Variants in NXPH1 observed in about 807,000 individuals in gnomAD.
The protein encoded by NXPH1 is neurexophilin 1, also known as neurexophilin-1.
NXPH1 carries 5 observed loss-of-function variants against 23.7 expected under a neutral mutation model. The observed-to-expected ratio is 0.21, with a 90% confidence interval of 0.11 to 0.44. The LOEUF is 0.44. Ranked by LOEUF, NXPH1 falls within the 20% of genes least tolerant of loss-of-function variation. The pLI is 0.99. For synonymous variants in NXPH1, 144 were observed against 122.2 expected (o/e 1.18, Z -1.18); for missense variants, 324 against 321.6 (o/e 1.01, Z -0.06).
chr7:8,552,785 C>T (rs1167977521), intron 2 of NXPH1, among the ~76,000 whole-genome samples: 1 of 151,512 alleles, frequency 6.6e-6, no homozygotes, highest in African/African-American at 2.4e-5. Context: ...ATTCGACTAC[C>T]CTTAATTAAA....
At chr7:8,665,398 A>G (rs1275052499) in intron 2 of NXPH1, among the ~76,000 whole-genome samples, 1 of 151,928 alleles carries the variant, frequency 6.6e-6, no homozygotes, top group Non-Finnish European at 1.5e-5. Flanking sequence ...TATATGCTAT[A>G]CCATGCTGTT....
chr7:8,727,898 G>A (rs1780083718), intron 2 of NXPH1, among the ~76,000 whole-genome samples: 1 of 151,678 alleles, frequency 6.6e-6, no homozygotes, highest in Admixed American at 6.6e-5. Flanking sequence ...GCTTGATGGG[G>A]ATGGCATTGA....
chr7:8,519,979 T>C (rs1214389423), intron 2 of NXPH1, among the ~76,000 whole-genome samples: 1 of 152,176 alleles, frequency 6.6e-6, no homozygotes, highest in Non-Finnish European at 1.5e-5. Context: ...GATAAATTTC[T>C]AGTGTTTTTC....
chr7:8,458,292 T>C (rs10952110), intron 2 of NXPH1, among the ~76,000 whole-genome samples: 3 of 151,922 alleles, frequency 2.0e-5, no homozygotes, highest in Non-Finnish European at 4.4e-5. Flanking sequence ...GGCAGTTCCA[T>C]AACCTCTTTC....
rs140962319 is a variant in NXPH1 at position 8,637,435 on chromosome 7, G to C, written c.55-113573G>C. Among the ~76,000 whole-genome samples the C allele has an allele frequency of 2.0e-5, 3 of 152,088 alleles. No homozygotes were observed. In the East Asian group the frequency reaches 5.8e-4, roughly 29 times the overall value. On this transcript the variant is annotated intron_variant, in intron 2 of 2. Transcript: ENST00000405863. ...AGATGGGGTTTCAGTATGTTGCCCAGGCTGGTCTTGAATTCCTGGGCTCAA... is the reference window on the plus strand; with the variant it reads ...AGATGGGGTTTCAGTATGTTGCCCACGCTGGTCTTGAATTCCTGGGCTCAA...
At chr7:8,656,812 C>T (rs989780904) in intron 2 of NXPH1, among the ~76,000 whole-genome samples, 2 of 151,722 alleles carry the variant, frequency 1.3e-5, no homozygotes, top group East Asian at 1.9e-4. Flanking sequence ...TTTGTTCTTG[C>T]GATATTTTAC....
intron 2 of NXPH1, among the ~76,000 whole-genome samples, chr7:8,592,946 C>G (rs1819131709): frequency 6.6e-6 from 1 of 151,784 alleles, no homozygotes; most frequent in Non-Finnish European, 1.5e-5. Flanking sequence ...TTTACCTACT[C>G]CCACCTGCTC....
chr7:8,739,001 G>A (rs147415677), intron 2 of NXPH1, among the ~76,000 whole-genome samples: 1 of 151,810 alleles, frequency 6.6e-6, no homozygotes, highest in Non-Finnish European at 1.5e-5. Flanking sequence ...ATCCCAGGTC[G>A]ACTTCAGACT....
chr7:8,603,925 T>C (rs549051014), intron 2 of NXPH1, among the ~76,000 whole-genome samples: 1 of 152,280 alleles, frequency 6.6e-6, no homozygotes, highest in African/African-American at 2.4e-5. Context: ...TTAATTCTGC[T>C]AAAAATATCA....
chr7:8,557,803 G>A (rs183659272), intron 2 of NXPH1, among the ~76,000 whole-genome samples: 12 of 151,788 alleles, frequency 7.9e-5, no homozygotes, highest in African/African-American at 2.9e-4. Context: ...TCAGGATTCA[G>A]TAGAATGCTG....
chr7:8,646,824 A>T (rs925607122), intron 2 of NXPH1, among the ~76,000 whole-genome samples: 4 of 151,416 alleles, frequency 2.6e-5, no homozygotes, highest in Admixed American at 1.3e-4. Context: ...AATAAGGTTT[A>T]CTTAATCAGA....
chr7:8,597,480 ATTAC>A (rs1444536447), intron 2 of NXPH1, among the ~76,000 whole-genome samples: 1 of 152,000 alleles, frequency 6.6e-6, no homozygotes, highest in African/African-American at 2.4e-5. Context: ...AGGTTGTACA[ATTAC>A]TTGATGAGTC....
chr7:8,568,826 T>C (rs1322352535), intron 2 of NXPH1, among the ~76,000 whole-genome samples: 1 of 151,840 alleles, frequency 6.6e-6, no homozygotes, highest in African/African-American at 2.4e-5. Context: ...TAGAGACTTT[T>C]ATCTGCCTCC....
intron 2 of NXPH1, among the ~76,000 whole-genome samples, chr7:8,744,033 T>C (rs1000503986): frequency 2.6e-5 from 4 of 152,096 alleles, no homozygotes; most frequent in African/African-American, 9.7e-5. Flanking sequence ...CCAATGGTGG[T>C]TTTTTCTCTC....
intron 2 of NXPH1, among the ~76,000 whole-genome samples, chr7:8,448,368 T>C (rs1044694164): frequency 6.6e-6 from 1 of 152,240 alleles, no homozygotes; most frequent in South Asian, 2.1e-4. Flanking sequence ...AGCACAGTCC[T>C]TATGAATATG....
intron 2 of NXPH1, among the ~76,000 whole-genome samples, chr7:8,446,664 A>G (rs1480410548): frequency 6.6e-6 from 1 of 152,178 alleles, no homozygotes; most frequent in Non-Finnish European, 1.5e-5. Flanking sequence ...TCTTCCTCCA[A>G]ACAGAAATTA....
intron 2 of NXPH1, among the ~76,000 whole-genome samples, chr7:8,731,663 G>T (rs1780156437): frequency 6.6e-6 from 1 of 152,140 alleles, no homozygotes. Flanking sequence ...GGGGGTCAGG[G>T]GTCAGGGAAC....
chr7:8,526,188 T>C (rs1377829336), intron 2 of NXPH1, among the ~76,000 whole-genome samples: 2 of 152,338 alleles, frequency 1.3e-5, no homozygotes, highest in Non-Finnish European at 2.9e-5. Context: ...AAGGATATCA[T>C]TTTGGAGCTT....
intron 2 of NXPH1, among the ~76,000 whole-genome samples, chr7:8,552,114 CAAAAAAAAA>C (rs34390317): frequency 9.7e-5 from 6 of 61,748 alleles, no homozygotes; most frequent in Non-Finnish European, 2.0e-4. Context: ...GAAAAAAAAC[CAAAAAAAAA>C]AAAAAAAAAA....
Sources: gnomAD v4.1 joint callset for allele counts (sites outside exome capture counted in the v4.1 genomes callset) on GRCh38, gnomAD v4.1.1 for gene constraint, MANE v1.5 for transcripts, NCBI Gene and HGNC (gene_info 2026-07-23, HGNC 2026-07-21) for gene names.